Variants in ATXN1 observed in about 807,000 individuals in gnomAD.
ATXN1 encodes the protein ataxin-1.
A neutral mutation model predicts 56.4 loss-of-function variants in ATXN1; 8 were observed. The ratio of observed to expected loss-of-function variants is 0.14; its 90% confidence interval spans 0.08 to 0.26. The LOEUF (loss-of-function observed/expected upper bound fraction) is 0.26. ATXN1 is among the 10% of genes least tolerant of loss of function. The probability of loss-of-function intolerance (pLI) is 1.00; values close to 1 mark genes in which losing one functional copy is unlikely to be tolerated. For missense variants in ATXN1, 987 were observed against 1,106.5 expected, an observed-to-expected ratio of 0.89 and a Z score of 1.53; for synonymous variants, 514 against 494.6, an observed-to-expected ratio of 1.04 and a Z score of -0.52.
At chr6:16,512,362 G>T (rs1761100183) in intron 5 of ATXN1, among the ~76,000 whole-genome samples, 1 of 152,172 alleles carries the variant, frequency 6.6e-6, no homozygotes, top group Admixed American at 6.5e-5. Flanking sequence ...GTGAAAACAG[G>T]AACATCTCAA....
intron 3 of ATXN1, among the ~76,000 whole-genome samples, chr6:16,600,952 A>G (rs1472056449): frequency 6.6e-6 from 1 of 152,228 alleles, no homozygotes; most frequent in Non-Finnish European, 1.5e-5. Flanking sequence ...TGCCTGCTGC[A>G]GTTGTCTTCC....
At chr6:16,466,747 G>A (rs1395400462) in intron 6 of ATXN1, among the ~76,000 whole-genome samples, 3 of 152,116 alleles carry the variant, frequency 2.0e-5, no homozygotes, top group Non-Finnish European at 2.9e-5. Flanking sequence ...ACACTCAAAT[G>A]CTAACGGTGG....
chr6:16,575,011 A>G (rs140294917), intron 4 of ATXN1, among the ~76,000 whole-genome samples: 1,555 of 152,098 alleles, frequency 0.01, 33 homozygotes, highest in African/African-American at 0.035. Context: ...TTTCTTGATT[A>G]GAGTGAGATT....
rs9477199 is a variant in ATXN1 at position 16,656,391 on chromosome 6, G to A, written c.-489+1385C>T. On this transcript the variant is annotated intron_variant, in intron 3 of 7. Coordinates refer to ENST00000436367, the MANE Select transcript of ATXN1 (RefSeq NM_001128164.2). ...GCACATACATCTTTAAAGGCAAGTC[G>A]TTCCAAGATGATGAGCAAGTTCTCC... 6.4e-3 allele frequency among the ~76,000 whole-genome samples: 980 copies of A among 152,282 alleles called. 13 individuals carry two copies. Among genetic ancestry groups the A allele is most frequent in the African/African-American group, 0.022 (920 of 41,550 alleles).
intron 2 of ATXN1, among the ~76,000 whole-genome samples, chr6:16,692,855 T>C (rs17669356): frequency 0.14 from 21,759 of 152,176 alleles, 1,974 homozygotes; most frequent in Non-Finnish European, 0.21. Context: ...TTCAAAACCT[T>C]AGTCAGAACG....
At chr6:16,543,632 TAAAAAAAAAAAAA>T (rs566914364) in intron 4 of ATXN1, among the ~76,000 whole-genome samples, 1 of 106,404 alleles carries the variant, frequency 9.4e-6, no homozygotes, top group Non-Finnish European at 1.9e-5. Flanking sequence ...GCTATTTTCC[TAAAAAAAAAAAAA>T]AAAAAAAAGA....
At chr6:16,627,025 G>A (rs1297418319) in intron 3 of ATXN1, among the ~76,000 whole-genome samples, 1 of 152,170 alleles carries the variant, frequency 6.6e-6, no homozygotes, top group Non-Finnish European at 1.5e-5. Context: ...GGTAGACCTC[G>A]CAAACTGACA....
intron 5 of ATXN1, among the ~76,000 whole-genome samples, chr6:16,505,688 A>G (rs1183181537): frequency 6.6e-6 from 1 of 152,190 alleles, no homozygotes; most frequent in Admixed American, 6.5e-5. Flanking sequence ...ATATTGTACC[A>G]TCACTGACCC....
chr6:16,438,038 A>G (rs1759430311), intron 6 of ATXN1, among the ~76,000 whole-genome samples: 1 of 152,204 alleles, frequency 6.6e-6, no homozygotes, highest in African/African-American at 2.4e-5. Flanking sequence ...GGGTAGGGGG[A>G]TCAGGCATTA....
chr6:16,464,944 A>C (rs1387885689), intron 6 of ATXN1, among the ~76,000 whole-genome samples: 1 of 152,218 alleles, frequency 6.6e-6, no homozygotes, highest in African/African-American at 2.4e-5. Context: ...TGTAAGATGC[A>C]AGATGTTAGC....
At chr6:16,497,170 C>T (rs1342249763) in intron 5 of ATXN1, among the ~76,000 whole-genome samples, 5 of 152,102 alleles carry the variant, frequency 3.3e-5, no homozygotes, top group Admixed American at 3.3e-4. Context: ...TCTAGCCAGG[C>T]AGAAAGTCTG....
chr6:16,558,300 CAAAA>C (rs34684208), intron 4 of ATXN1, among the ~76,000 whole-genome samples: 43 of 95,376 alleles, frequency 4.5e-4, no homozygotes, highest in East Asian at 2.3e-3. Context: ...GATCCTGTGT[CAAAA>C]AAAAAAAAAA....
intron 4 of ATXN1, among the ~76,000 whole-genome samples, chr6:16,563,531 C>A (rs1395065193): frequency 6.6e-6 from 1 of 151,962 alleles, no homozygotes. Flanking sequence ...TCAGGGCTCA[C>A]AATAAGGAGA....
At chr6:16,741,890 T>C (rs892739633) in intron 2 of ATXN1, among the ~76,000 whole-genome samples, 76 of 152,236 alleles carry the variant, frequency 5.0e-4, no homozygotes, top group Non-Finnish European at 4.4e-5. Flanking sequence ...GTTAAAATAG[T>C]ACGGTTCATT....
At chr6:16,653,302 G>A (rs1427964833) in intron 3 of ATXN1, among the ~76,000 whole-genome samples, 1 of 152,196 alleles carries the variant, frequency 6.6e-6, no homozygotes, top group East Asian at 1.9e-4. Context: ...TGTCACCACT[G>A]CAGTCTGCTA....
intron 3 of ATXN1, among the ~76,000 whole-genome samples, chr6:16,637,280 G>A (rs1471568736): frequency 6.6e-6 from 1 of 151,014 alleles, no homozygotes; most frequent in Non-Finnish European, 1.5e-5. Context: ...CTCACTCATA[G>A]GTGGGAATTG....
chr6:16,665,188 T>C (rs955676098), intron 2 of ATXN1, among the ~76,000 whole-genome samples: 1 of 152,156 alleles, frequency 6.6e-6, no homozygotes, highest in Non-Finnish European at 1.5e-5. Flanking sequence ...ACTCAATAAG[T>C]GGTAGTTTCT....
chr6:16,576,442 C>T lies in ATXN1; in HGVS notation c.-361+9338G>A, dbSNP rs570425143. Among the ~76,000 whole-genome samples the T allele has an allele frequency of 2.3e-4, 35 of 152,260 alleles. No homozygotes were observed. The East Asian group carries it at 5.0e-3, about 22-fold the overall frequency. On this transcript the variant is annotated intron_variant, in intron 4 of 7. Coordinates refer to ENST00000436367, the MANE Select transcript of ATXN1 (RefSeq NM_001128164.2). ...AGCAAGCAAAGACACAAGGAAAATA[C>T]ACTGCCTTATTACAAGAACTGCACA...
At chr6:16,752,750 G>A (rs541446630) in intron 2 of ATXN1, among the ~76,000 whole-genome samples, 38 of 152,254 alleles carry the variant, frequency 2.5e-4, no homozygotes, top group East Asian at 1.2e-3. Context: ...CTTACTGTAC[G>A]TGGGAAAATC....
Sources: gnomAD v4.1 joint callset for allele counts (sites outside exome capture counted in the v4.1 genomes callset) on GRCh38, gnomAD v4.1.1 for gene constraint, MANE v1.5 for transcripts, NCBI Gene and HGNC (gene_info 2026-07-23, HGNC 2026-07-21) for gene names.